The following MDFIC2 variants were observed in gnomAD, a reference collection of about 807,000 sequenced individuals.
MDFIC2 encodes the protein myoD family inhibitor domain-containing protein 2.
At chr3:70,287,069 C>T (rs1187687237) in intron 2 of MDFIC2, among the ~76,000 whole-genome samples, 1 of 143,488 alleles carries the variant, frequency 7.0e-6, no homozygotes, top group Non-Finnish European at 1.5e-5. Context: ...TGCCTAATTG[C>T]CCTGGCCAGA....
Position 70,281,691 on chromosome 3 carries a change from T to C in MDFIC2, c.88+30195A>G, listed in dbSNP as rs148190465. 2.4e-3 allele frequency among the ~76,000 whole-genome samples: 361 copies of C among 152,278 alleles called. 5 individuals are homozygous for C. In the East Asian group the frequency reaches 0.026, roughly 11 times the overall value. On this transcript the variant is annotated intron_variant, in intron 2 of 3. Transcript: ENST00000567252. ...TCTCCCTGAGGAATCCTCACCATCA[T>C]TGCTTTTTGCCCCACCTCAAGTGAA...
At chr3:70,245,671 T>TTATA (rs34480688) in intron 2 of MDFIC2, among the ~76,000 whole-genome samples, 1,670 of 57,054 alleles carry the variant, frequency 0.029, 55 homozygotes, top group Non-Finnish European at 0.038. Context: ...GCAAACTGCT[T>TTATA]TATATATATA....
intron 2 of MDFIC2, among the ~76,000 whole-genome samples, chr3:70,213,117 C>G (rs928043196): frequency 6.6e-5 from 10 of 151,970 alleles, no homozygotes. Context: ...CCTTCATTCT[C>G]TCTCCCTCCT....
chr3:70,223,143 A>C (rs1418537795), intron 2 of MDFIC2, among the ~76,000 whole-genome samples: 1 of 152,148 alleles, frequency 6.6e-6, no homozygotes, highest in East Asian at 1.9e-4. Flanking sequence ...ATTGTTCTAT[A>C]CTACTCTTTA....
chr3:70,225,849 A>G (rs961693178), intron 2 of MDFIC2, among the ~76,000 whole-genome samples: 1 of 152,214 alleles, frequency 6.6e-6, no homozygotes, highest in African/African-American at 2.4e-5. Context: ...CTTTGTTTAG[A>G]CAAACGTTGC....
intron 2 of MDFIC2, among the ~76,000 whole-genome samples, chr3:70,273,281 T>C (rs1701991342): frequency 6.6e-6 from 1 of 152,242 alleles, no homozygotes. Flanking sequence ...CTTAGTCGAC[T>C]CAACAATTTC....
chr3:70,293,722 T>A (rs72945359), intron 2 of MDFIC2, among the ~76,000 whole-genome samples: 4,218 of 152,196 alleles, frequency 0.028, 169 homozygotes, highest in African/African-American at 0.094. Flanking sequence ...AGGATTTTTT[T>A]AAATTACATT....
intron 2 of MDFIC2, among the ~76,000 whole-genome samples, chr3:70,287,383 C>G (rs998655249): frequency 5.3e-5 from 8 of 150,884 alleles, no homozygotes; most frequent in African/African-American, 2.0e-4. Flanking sequence ...TATATTGAAC[C>G]AGCCTTGCAT....
At chr3:70,236,017 G>A (rs1459620339) in intron 2 of MDFIC2, among the ~76,000 whole-genome samples, 3 of 152,038 alleles carry the variant, frequency 2.0e-5, no homozygotes, top group South Asian at 2.1e-4. Flanking sequence ...TACTAGCAGC[G>A]AATGAATGAG....
chr3:70,277,430 A>G (rs1163137224), intron 2 of MDFIC2, among the ~76,000 whole-genome samples: 1 of 152,174 alleles, frequency 6.6e-6, no homozygotes, highest in Non-Finnish European at 1.5e-5. Flanking sequence ...GTTTGCTTAC[A>G]AGGTATGAAG....
At chr3:70,206,292 C>T (rs996567300) in intron 3 of MDFIC2, among the ~76,000 whole-genome samples, 8 of 152,020 alleles carry the variant, frequency 5.3e-5, no homozygotes, top group African/African-American at 1.9e-4. Context: ...TTTTCTTTAT[C>T]TGCCTCATAG....
intron 2 of MDFIC2, among the ~76,000 whole-genome samples, chr3:70,247,589 G>T (rs1701719489): frequency 6.6e-6 from 1 of 151,616 alleles, no homozygotes. Context: ...AATTCTATTA[G>T]AATTTTAATA....
chr3:70,289,100 T>C (rs1702199224), intron 2 of MDFIC2, among the ~76,000 whole-genome samples: 1 of 152,082 alleles, frequency 6.6e-6, no homozygotes. Context: ...GATCCTGTCA[T>C]TTTGATGTTA....
chr3:70,213,464 A>C (rs1701370042), intron 2 of MDFIC2, among the ~76,000 whole-genome samples: 1 of 152,124 alleles, frequency 6.6e-6, no homozygotes, highest in Non-Finnish European at 1.5e-5. Flanking sequence ...TATAATGGTG[A>C]ATTATGTTTT....
intron 2 of MDFIC2, among the ~76,000 whole-genome samples, chr3:70,212,767 T>C (rs1701364073): frequency 6.6e-6 from 1 of 151,856 alleles, no homozygotes; most frequent in Non-Finnish European, 1.5e-5. Context: ...AATGGCTCAC[T>C]ATTACCTGAA....
At chr3:70,290,562 C>T (rs189306851) in intron 2 of MDFIC2, among the ~76,000 whole-genome samples, 3 of 152,328 alleles carry the variant, frequency 2.0e-5, no homozygotes, top group Admixed American at 2.0e-4. Context: ...GGCAGGCAGG[C>T]CTCCTTGAGC....
intron 2 of MDFIC2, among the ~76,000 whole-genome samples, chr3:70,255,478 G>C (rs888174655): frequency 3.9e-5 from 6 of 152,170 alleles, no homozygotes; most frequent in African/African-American, 1.4e-4. Flanking sequence ...TGCCCAGGCA[G>C]TGGTATGAGC....
chr3:70,310,937 A>G (rs1323324368), intron 2 of MDFIC2, among the ~76,000 whole-genome samples: 1 of 152,016 alleles, frequency 6.6e-6, no homozygotes, highest in Non-Finnish European at 1.5e-5. Flanking sequence ...AGTTACTAGA[A>G]CTCTTTAAGG....
chr3:70,203,461 C>T (rs1440288209), intron 3 of MDFIC2, among the ~76,000 whole-genome samples: 1 of 152,056 alleles, frequency 6.6e-6, no homozygotes, highest in African/African-American at 2.4e-5. Context: ...TTAAATATGT[C>T]AAGATCTATT....
Sources: gnomAD v4.1 joint callset for allele counts (sites outside exome capture counted in the v4.1 genomes callset) on GRCh38, gnomAD v4.1.1 for gene constraint, MANE v1.5 for transcripts, NCBI Gene and HGNC (gene_info 2026-07-23, HGNC 2026-07-21) for gene names.